Variants in CCDC171 observed in about 807,000 individuals in gnomAD.
CCDC171 encodes coiled-coil domain-containing protein 171.
In CCDC171, 177 loss-of-function variants were observed where a neutral mutation model predicts 168.2. That is an observed-to-expected ratio of 1.05 (90% CI 0.93 to 1.19). CCDC171 has a LOEUF of 1.19. Among genes scored for constraint, CCDC171 ranks in the 50% most tolerant of loss-of-function variants. The pLI is 0.00. For missense variants in CCDC171, 1,991 were observed against 1,539.0 expected, an observed-to-expected ratio of 1.29 and a Z score of -4.91; for synonymous variants, 687 against 540.8, an observed-to-expected ratio of 1.27 and a Z score of -3.75.
the CCDC171 span, among the ~76,000 whole-genome samples, chr9:16,106,682 TTTAA>T: frequency 6.6e-6 from 1 of 152,250 alleles, no homozygotes; most frequent in Non-Finnish European, 1.5e-5. Context: ...GGGATTGTTA[TTTAA>T]TTGAGAGTCA....
chr9:15,593,904 A>G (rs2042161256), intron 5 of CCDC171, 137 bp from the exon 6 acceptor site: 1 of 604,330 alleles, frequency 1.7e-6, no homozygotes, highest in African/African-American at 2.0e-5. Context: ...TTATAGTTTT[A>G]TTAATGATTT....
At chr9:15,847,210 G>A (rs971142018) in intron 22 of CCDC171, among the ~76,000 whole-genome samples, 4 of 151,810 alleles carry the variant, frequency 2.6e-5, no homozygotes, top group Admixed American at 2.0e-4. Context: ...CACTGTCTCC[G>A]AAATTTTGTT....
the CCDC171 span, among the ~76,000 whole-genome samples, chr9:16,085,042 A>G: frequency 2.0e-5 from 3 of 152,230 alleles, no homozygotes; most frequent in Non-Finnish European, 4.4e-5. Context: ...GATGCCTATT[A>G]CATTATGACA....
At chr9:15,957,548 G>T (rs778067088) in intron 25 of CCDC171, among the ~76,000 whole-genome samples, 4 of 152,174 alleles carry the variant, frequency 2.6e-5, no homozygotes, top group Non-Finnish European at 5.9e-5. Context: ...AGATGCTAAT[G>T]TTGAGCAAAG....
At chr9:15,955,087 G>C (rs1211609187) in intron 25 of CCDC171, among the ~76,000 whole-genome samples, 1 of 151,886 alleles carries the variant, frequency 6.6e-6, no homozygotes, top group African/African-American at 2.4e-5. Context: ...CCTTCCCTAG[G>C]GTTTTCTGAT....
At chr9:16,024,804 A>G (rs896458589) in intron 6 of CCDC171, among the ~76,000 whole-genome samples, 3 of 152,210 alleles carry the variant, frequency 2.0e-5, no homozygotes, top group Non-Finnish European at 2.9e-5. Context: ...CAGAGGGGAT[A>G]CCTACATATA....
At chr9:15,989,035 C>T (rs920030940) in intron 3 of CCDC171, among the ~76,000 whole-genome samples, 2 of 152,148 alleles carry the variant, frequency 1.3e-5, no homozygotes, top group Admixed American at 6.5e-5. Context: ...CAGCAGAAAC[C>T]TCTGCAGACT....
chr9:15,867,055 G>A (rs2061819445), intron 23 of CCDC171, among the ~76,000 whole-genome samples: 1 of 152,016 alleles, frequency 6.6e-6, no homozygotes, highest in African/African-American at 2.4e-5. Flanking sequence ...ACCTAGAGGA[G>A]AAAGCCTAAA....
intron 7 of CCDC171, among the ~76,000 whole-genome samples, chr9:15,636,635 G>C (rs1005942731): frequency 6.6e-6 from 1 of 151,372 alleles, no homozygotes; most frequent in Non-Finnish European, 1.5e-5. Context: ...TGTAGTCCCA[G>C]CTGCTTGGGA....
At chr9:15,979,093 T>C (rs901611153) in intron 3 of CCDC171, among the ~76,000 whole-genome samples, 3 of 152,214 alleles carry the variant, frequency 2.0e-5, no homozygotes, top group Non-Finnish European at 4.4e-5. Flanking sequence ...TGGAATAATA[T>C]TCCACTATAT....
intron 24 of CCDC171, among the ~76,000 whole-genome samples, chr9:15,907,452 C>A (rs1164052815): frequency 6.6e-6 from 1 of 152,266 alleles, no homozygotes; most frequent in African/African-American, 2.4e-5. Flanking sequence ...ACTGGCTAGC[C>A]ATATGTAGAA....
chr9:16,087,427 A>T, the CCDC171 span, among the ~76,000 whole-genome samples: 2 of 152,024 alleles, frequency 1.3e-5, no homozygotes, highest in Non-Finnish European at 2.9e-5. Flanking sequence ...ATTGGCTGCA[A>T]ATATATTTAG....
In CCDC171 at chr9:15,886,451, A is replaced by G. The variant is rs80199650; in HGVS notation, c.3600+11788A>G. The G allele has an allele frequency of 6.6e-5, 10 of 152,334 alleles. No homozygotes were observed. In the East Asian group the frequency reaches 1.9e-3, roughly 29 times the overall value. The allele number at this position is 152,334 out of a possible 1,614,324, so 9.4% of individuals were successfully genotyped here. ...CAACTGTTAGGATGGCTATTACCAG[A>G]AAGTCAAAAGACAACAAGTGTTGGC... On this transcript the variant is annotated intron_variant, in intron 24 of 25. Coordinates refer to ENST00000380701, the MANE Select transcript of CCDC171 (RefSeq NM_173550.4).
the CCDC171 span, among the ~76,000 whole-genome samples, chr9:16,079,195 A>C: frequency 6.6e-6 from 1 of 152,232 alleles, no homozygotes; most frequent in African/African-American, 2.4e-5. Flanking sequence ...ACAACCAGCA[A>C]CATCTCTGAT....
At chr9:15,678,955 A>G (rs1057402922) in intron 10 of CCDC171, 59 bp downstream of exon 10, 2 of 1,298,888 alleles carry the variant, frequency 1.5e-6, no homozygotes, top group African/African-American at 1.5e-5. Context: ...TTGGATGTAT[A>G]GCAGGGTTTT....
chr9:15,567,309 T>A, intron 2 of CCDC171, among the ~76,000 whole-genome samples: 1 of 152,172 alleles, frequency 6.6e-6, no homozygotes, highest in East Asian at 1.9e-4. Flanking sequence ...CGTACATGTC[T>A]GTTCTTAATC....
At chr9:16,001,509 A>G (rs552294188) in intron 3 of CCDC171, among the ~76,000 whole-genome samples, 1 of 151,970 alleles carries the variant, frequency 6.6e-6, no homozygotes, top group East Asian at 1.9e-4. Context: ...TTATTAGGTA[A>G]CCCAGATTCA....
At chr9:16,075,572 A>G in the CCDC171 span, among the ~76,000 whole-genome samples, 17 of 152,116 alleles carry the variant, frequency 1.1e-4, no homozygotes, top group Non-Finnish European at 1.6e-4. Flanking sequence ...CTGGTTGTCA[A>G]TACTAACAAA....
At chr9:15,699,709 G>T (rs77201135) in intron 11 of CCDC171, among the ~76,000 whole-genome samples, 1 of 152,068 alleles carries the variant, frequency 6.6e-6, no homozygotes, top group Non-Finnish European at 1.5e-5. Context: ...TGATTGGTGT[G>T]TTTACAAACC....
Sources: gnomAD v4.1 joint callset for allele counts (sites outside exome capture counted in the v4.1 genomes callset) on GRCh38, gnomAD v4.1.1 for gene constraint, MANE v1.5 for transcripts, NCBI Gene and HGNC (gene_info 2026-07-23, HGNC 2026-07-21) for gene names.